The following ANO3 variants were observed in gnomAD, a reference collection of about 807,000 sequenced individuals.
ANO3 encodes the protein anoctamin-3.
A neutral mutation model predicts 144.8 loss-of-function variants in ANO3; 99 were observed. The ratio of observed to expected loss-of-function variants is 0.68; its 90% confidence interval spans 0.58 to 0.81. ANO3 has a LOEUF of 0.81. ANO3 is among the 30% of genes least tolerant of loss of function. ANO3 has a pLI of 0.00. For missense variants in ANO3, 905 were observed against 1,202.2 expected (o/e 0.75, Z 3.66); for synonymous variants, 414 against 392.6 (o/e 1.05, Z -0.64).
At chr11:26,539,965 A>C (rs1426353767) in intron 10 of ANO3, among the ~76,000 whole-genome samples, 1 of 152,152 alleles carries the variant, frequency 6.6e-6, no homozygotes, top group Non-Finnish European at 1.5e-5. Context: ...GTGAGGAGAA[A>C]GACTTTGTCA....
chr11:26,462,757 G>A (rs1227137339), intron 3 of ANO3, among the ~76,000 whole-genome samples: 1 of 151,774 alleles, frequency 6.6e-6, no homozygotes, highest in Non-Finnish European at 1.5e-5. Context: ...AAAATTTGAA[G>A]TACATTGAAT....
chr11:26,374,793 G>C (rs1231790191), intron 1 of ANO3, among the ~76,000 whole-genome samples: 1 of 152,196 alleles, frequency 6.6e-6, no homozygotes, highest in Non-Finnish European at 1.5e-5. Flanking sequence ...ACCCAGGCTG[G>C]AGTGCAGTGG....
intron 1 of ANO3, among the ~76,000 whole-genome samples, chr11:26,339,229 A>C (rs1425783967): frequency 1.3e-5 from 2 of 150,984 alleles, no homozygotes; most frequent in African/African-American, 4.9e-5. Context: ...ATCTCGGCTC[A>C]CTGAAACCTC....
At chr11:26,464,905 C>T (rs1304682370) in intron 4 of ANO3, among the ~76,000 whole-genome samples, 1 of 151,734 alleles carries the variant, frequency 6.6e-6, no homozygotes, top group Non-Finnish European at 1.5e-5. Context: ...TCCATTTGAG[C>T]AATAACCAGA....
chr11:26,661,123 A>C lies in ANO3; in HGVS notation c.*679A>C, dbSNP rs1309396270. On this transcript the variant is annotated 3_prime_UTR_variant, in exon 27 of 27. Transcript: ENST00000256737. The stretch of plus-strand genomic sequence containing the variant: ...ATTCATTGAAATAATATTCCATTGC[A>C]TTGGCTACTTCAAGTCTCTTTTACC... The C allele has an allele frequency of 3.9e-5, 6 of 152,576 alleles. No homozygotes were observed. The highest frequency in any genetic ancestry group is 1.4e-4 in the African/African-American group (6 of 41,456). 9.5% of individuals were successfully genotyped at this position (152,576 alleles called of 1,614,324 possible).
At chr11:26,459,227 T>C (rs12295996) in intron 3 of ANO3, among the ~76,000 whole-genome samples, 9,098 of 152,158 alleles carry the variant, frequency 0.06, 454 homozygotes, top group African/African-American at 0.13. Flanking sequence ...TGGGCTGTTG[T>C]ATGGACTATG....
chr11:26,248,270 G>A lies in ANO3; in HGVS notation c.154+58940G>A, dbSNP rs1046909432. Among the ~76,000 whole-genome samples, 61 of 151,962 alleles carry A rather than the reference G, an allele frequency of 4.0e-4. 1 individual carries two copies. The highest frequency in any genetic ancestry group is 3.7e-3 in the Admixed American group (57 of 15,266). Reference sequence around the variant, plus strand: ...GGAGAATCGCTTGAACCCGGGAGGCGGAGGTCGTGGTGAGCCCAGATCGCG... The same window carrying A: ...GGAGAATCGCTTGAACCCGGGAGGCAGAGGTCGTGGTGAGCCCAGATCGCG... On this transcript the variant is annotated intron_variant, in intron 1 of 27. Coordinates refer to the ANO3 transcript ENST00000672621.
At chr11:26,368,334 A>G (rs1295149457) in intron 1 of ANO3, among the ~76,000 whole-genome samples, 3 of 152,200 alleles carry the variant, frequency 2.0e-5, no homozygotes, top group South Asian at 2.1e-4. Flanking sequence ...TAGATTTCGT[A>G]TAGTAATTAT....
intron 1 of ANO3, among the ~76,000 whole-genome samples, chr11:26,283,906 G>T (rs1590233288): frequency 6.6e-6 from 1 of 152,110 alleles, no homozygotes; most frequent in Non-Finnish European, 1.5e-5. Flanking sequence ...AACTGTAAAG[G>T]TTATTTAAGC....
intron 1 of ANO3, among the ~76,000 whole-genome samples, chr11:26,389,426 CTGAA>C (rs1235358628): frequency 6.6e-6 from 1 of 151,850 alleles, no homozygotes; most frequent in Non-Finnish European, 1.5e-5. Flanking sequence ...AAGTAACTAA[CTGAA>C]TGAATGAAAG....
In ANO3 at chr11:26,401,923, G is replaced by A. The variant is rs117577799; in HGVS notation, c.47-39995G>A. Among the ~76,000 whole-genome samples the A allele has an allele frequency of 1.5e-4, 23 of 151,992 alleles. No homozygotes were observed. The East Asian group carries it at 3.1e-3, about 21-fold the overall frequency. The stretch of plus-strand genomic sequence containing the variant: ...GCTGTTCTGAAATAAATTATGATCC[G>A]ACAGTAACAGAAAATCTAATGCAAA... On this transcript the variant is annotated intron_variant, in intron 1 of 26. Coordinates refer to ENST00000256737, the MANE Select transcript of ANO3 (RefSeq NM_031418.4).
chr11:26,591,418 G>T (rs1215954550), intron 14 of ANO3, among the ~76,000 whole-genome samples: 1 of 152,130 alleles, frequency 6.6e-6, no homozygotes, highest in East Asian at 1.9e-4. Context: ...TGCATCTGGG[G>T]CTCCATTTGA....
chr11:26,508,785 T>A (rs183748076), intron 5 of ANO3: 3,359 of 151,278 alleles, frequency 0.022, 65 homozygotes, highest in Non-Finnish European at 0.035. Flanking sequence ...AGAGAAAATT[T>A]AAAAAAAAAC....
intron 1 of ANO3, among the ~76,000 whole-genome samples, chr11:26,422,137 T>G (rs1857770311): frequency 6.6e-6 from 1 of 152,090 alleles, no homozygotes; most frequent in South Asian, 2.1e-4. Flanking sequence ...AAATAACATA[T>G]GAGCTTTTCT....
intron 1 of ANO3, among the ~76,000 whole-genome samples, chr11:26,226,181 T>C (rs4923346): frequency 0.34 from 51,763 of 151,856 alleles, 9,996 homozygotes; most frequent in Non-Finnish European, 0.43. Context: ...CTTTAAGTCA[T>C]ATAGGCAAGA....
intron 1 of ANO3, among the ~76,000 whole-genome samples, chr11:26,431,101 C>T (rs959232896): frequency 5.1e-4 from 78 of 152,248 alleles, no homozygotes; most frequent in African/African-American, 1.7e-3. Context: ...AATGTGGCTA[C>T]GATGACTGAG....
chr11:26,299,265 G>A (rs1854162481), intron 1 of ANO3, among the ~76,000 whole-genome samples: 1 of 152,144 alleles, frequency 6.6e-6, no homozygotes, highest in Non-Finnish European at 1.5e-5. Flanking sequence ...TTATCAAGGA[G>A]GAAAGTGTGA....
intron 14 of ANO3, among the ~76,000 whole-genome samples, chr11:26,571,483 T>C (rs916117080): frequency 3.9e-5 from 6 of 152,148 alleles, no homozygotes; most frequent in African/African-American, 1.4e-4. Context: ...AATAATTATA[T>C]GTACTGTACA....
At chr11:26,625,674 A>G (rs955735837) in intron 18 of ANO3, among the ~76,000 whole-genome samples, 4 of 152,132 alleles carry the variant, frequency 2.6e-5, no homozygotes, top group Non-Finnish European at 4.4e-5. Context: ...TTCTCTGAAT[A>G]TATTCAGACA....
Sources: gnomAD v4.1 joint callset for allele counts (sites outside exome capture counted in the v4.1 genomes callset) on GRCh38, gnomAD v4.1.1 for gene constraint, MANE v1.5 for transcripts, NCBI Gene and HGNC (gene_info 2026-07-23, HGNC 2026-07-21) for gene names.